The following LYPLAL1 variants were observed in gnomAD, a reference collection of about 807,000 sequenced individuals.
LYPLAL1 encodes the protein lysophospholipase-like protein 1.
A neutral mutation model predicts 19.7 loss-of-function variants in LYPLAL1; 23 were observed. The ratio of observed to expected loss-of-function variants is 1.17; its 90% confidence interval spans 0.84 to 1.65. The LOEUF is 1.65. Among genes scored for constraint, LYPLAL1 ranks in the 40% most tolerant of loss-of-function variants. The pLI, the probability that LYPLAL1 is intolerant of heterozygous loss-of-function variation, is 0.00. For missense variants in LYPLAL1, 355 were observed against 279.4 expected, an observed-to-expected ratio of 1.27 and a Z score of -1.93; for synonymous variants, 119 against 96.3, an observed-to-expected ratio of 1.24 and a Z score of -1.38.
At chr1:219,278,680 A>G in the LYPLAL1 span, among the ~76,000 whole-genome samples, 1 of 147,104 alleles carries the variant, frequency 6.8e-6, no homozygotes, top group East Asian at 2.0e-4. Context: ...AAATCACTAA[A>G]CAACAACAAC....
At chr1:219,245,465 A>G in the LYPLAL1 span, among the ~76,000 whole-genome samples, 5 of 152,156 alleles carry the variant, frequency 3.3e-5, no homozygotes, top group Non-Finnish European at 5.9e-5. Context: ...CCCCAACTCA[A>G]CACAGGCATT....
At chr1:219,411,081 T>G in the LYPLAL1 span, among the ~76,000 whole-genome samples, 30 of 152,332 alleles carry the variant, frequency 2.0e-4, no homozygotes, top group South Asian at 3.7e-3. Context: ...GCAGCCCCGG[T>G]GCCGGATCCA....
chr1:219,333,207 T>C, the LYPLAL1 span, among the ~76,000 whole-genome samples: 1 of 152,086 alleles, frequency 6.6e-6, no homozygotes, highest in Admixed American at 6.6e-5. Context: ...GCAATCTTTA[T>C]TCCATCTGAA....
the LYPLAL1 span, among the ~76,000 whole-genome samples, chr1:219,409,131 G>A: frequency 1.4e-4 from 21 of 152,244 alleles, no homozygotes; most frequent in South Asian, 4.1e-4. Flanking sequence ...GAAACAATGT[G>A]AGCAATATTG....
the LYPLAL1 span, among the ~76,000 whole-genome samples, chr1:219,296,971 C>G: frequency 6.6e-6 from 1 of 152,200 alleles, no homozygotes; most frequent in African/African-American, 2.4e-5. Flanking sequence ...TGTGAACAGG[C>G]AGACACTAGA....
At chr1:219,183,514 A>G (rs1656466214) in intron 2 of LYPLAL1, among the ~76,000 whole-genome samples, 1 of 152,038 alleles carries the variant, frequency 6.6e-6, no homozygotes, top group Non-Finnish European at 1.5e-5. Context: ...TGGTAAAATT[A>G]TGCACCTATT....
At chr1:219,250,637 A>G in the LYPLAL1 span, among the ~76,000 whole-genome samples, 3 of 151,824 alleles carry the variant, frequency 2.0e-5, no homozygotes, top group African/African-American at 7.3e-5. Flanking sequence ...ACATGATCTC[A>G]TTCTTTTTAT....
At chr1:219,240,605 C>T in the LYPLAL1 span, among the ~76,000 whole-genome samples, 34 of 152,174 alleles carry the variant, frequency 2.2e-4, no homozygotes, top group Non-Finnish European at 3.2e-4. Context: ...TTTTTGCTCC[C>T]TATGATTTTA....
the LYPLAL1 span, among the ~76,000 whole-genome samples, chr1:219,394,748 C>T: frequency 1.3e-5 from 2 of 152,114 alleles, no homozygotes; most frequent in African/African-American, 2.4e-5. Context: ...GCCTAGTACT[C>T]ATCAGTTATT....
the LYPLAL1 span, among the ~76,000 whole-genome samples, chr1:219,274,968 C>T: frequency 1.3e-5 from 2 of 152,094 alleles, no homozygotes; most frequent in Non-Finnish European, 2.9e-5. Context: ...CCAATCAATA[C>T]GAGTTATTTT....
chr1:219,194,295 A>G (rs1198514030), intron 3 of LYPLAL1, among the ~76,000 whole-genome samples: 1 of 151,946 alleles, frequency 6.6e-6, no homozygotes, highest in African/African-American at 2.4e-5. Flanking sequence ...AGGACTAGGA[A>G]GAGTGTAGGG....
At chr1:219,305,100 G>T in the LYPLAL1 span, among the ~76,000 whole-genome samples, 30 of 152,324 alleles carry the variant, frequency 2.0e-4, no homozygotes, top group African/African-American at 7.0e-4. Context: ...TCACTGAGGG[G>T]ACCACAGTCT....
At chr1:219,430,013 G>A in the LYPLAL1 span, among the ~76,000 whole-genome samples, 1 of 152,120 alleles carries the variant, frequency 6.6e-6, no homozygotes. Flanking sequence ...TCTTGTCTAG[G>A]TCAGACACAG....
chr1:219,240,336 A>T, the LYPLAL1 span, among the ~76,000 whole-genome samples: 2 of 152,232 alleles, frequency 1.3e-5, no homozygotes, highest in Non-Finnish European at 2.9e-5. Context: ...TCAGTGGTAT[A>T]GCTTTAAAAT....
intron 3 of LYPLAL1, among the ~76,000 whole-genome samples, chr1:219,194,245 A>T (rs17049133): frequency 0.021 from 3,133 of 151,968 alleles, 119 homozygotes; most frequent in African/African-American, 0.072. Context: ...TTTAACGTTG[A>T]TGTTTAACTC....
chr1:219,373,863 C>CAAAAAAAAAAAAAAAAAAAAAAA, the LYPLAL1 span, among the ~76,000 whole-genome samples: 1 of 102,216 alleles, frequency 9.8e-6, no homozygotes, highest in Non-Finnish European at 2.0e-5. Context: ...ATAAAATTGT[C>CAAAAAAAAAAAAAAAAAAAAAAA]AAAAAAAAAA....
chr1:219,412,173 C>A, the LYPLAL1 span, among the ~76,000 whole-genome samples: 7 of 152,240 alleles, frequency 4.6e-5, no homozygotes, highest in African/African-American at 1.4e-4. Context: ...CTCAGCCCCC[C>A]AACAGGTACA....
At chr1:219,241,132 C>CTATATATA in the LYPLAL1 span, among the ~76,000 whole-genome samples, 70 of 57,490 alleles carry the variant, frequency 1.2e-3, no homozygotes, top group East Asian at 3.6e-3. Flanking sequence ...CTCTCTCTCT[C>CTATATATA]TCTATATATA....
At chr1:219,289,078 G>GTT in the LYPLAL1 span, among the ~76,000 whole-genome samples, 120 of 114,904 alleles carry the variant, frequency 1.0e-3, 14 homozygotes, top group South Asian at 0.011. Context: ...CTCTTGTTTT[G>GTT]TTTTTTTTGT....
Sources: gnomAD v4.1 joint callset for allele counts (sites outside exome capture counted in the v4.1 genomes callset) on GRCh38, gnomAD v4.1.1 for gene constraint, MANE v1.5 for transcripts, NCBI Gene and HGNC (gene_info 2026-07-23, HGNC 2026-07-21) for gene names.